The following DDB1 variants were observed in gnomAD, a reference collection of about 807,000 sequenced individuals.
DDB1 encodes the protein damage specific DNA binding protein 1, also known as DNA damage-binding protein 1.
Under a neutral mutation model 133.1 loss-of-function variants are expected in DDB1, and 18 were observed. That is an observed-to-expected ratio of 0.14 (90% confidence interval 0.09 to 0.20). The LOEUF (loss-of-function observed/expected upper bound fraction) is 0.20, where lower values mean the gene tolerates loss of function less well. DDB1 is among the 10% of genes least tolerant of loss of function. DDB1 has a pLI of 1.00. For missense variants in DDB1, 828 were observed against 1,459.2 expected (o/e 0.57, Z 7.05); for synonymous variants, 580 against 550.5 (o/e 1.05, Z -0.75).
At chr11:61,307,480 C>A (rs1445745021) in intron 21 of DDB1, among the ~76,000 whole-genome samples, 1 of 152,222 alleles carries the variant, frequency 6.6e-6, no homozygotes, top group Non-Finnish European at 1.5e-5. Flanking sequence ...ACTATTCTCT[C>A]GGTTCTCCTC....
chr11:61,316,990 T>C (rs1307468514), intron 10 of DDB1, among the ~76,000 whole-genome samples: 4 of 83,252 alleles, frequency 4.8e-5, no homozygotes, highest in East Asian at 7.5e-4. Flanking sequence ...TATATATATA[T>C]ATATATATAG....
chr11:61,315,121 T>C (rs1324404285), intron 12 of DDB1: 1 of 152,046 alleles, frequency 6.6e-6, no homozygotes, highest in Non-Finnish European at 1.5e-5. Flanking sequence ...AGCCACCATG[T>C]TGACTGTGAC....
intron 12 of DDB1, chr11:61,315,905 C>G (rs1416690163): frequency 6.1e-6 from 1 of 162,656 alleles, no homozygotes; most frequent in African/African-American, 2.4e-5. Context: ...TGCATTTTGG[C>G]ATTTTCTAAT....
At chr11:61,316,934 A>G (rs1856079226) in intron 10 of DDB1, among the ~76,000 whole-genome samples, 1 of 100,894 alleles carries the variant, frequency 9.9e-6, no homozygotes, top group Non-Finnish European at 2.0e-5. Context: ...AAAAAAAAAA[A>G]AAAAAAGGAT....
chr11:61,315,309 T>G (rs947129770), intron 12 of DDB1: 1 of 152,250 alleles, frequency 6.6e-6, no homozygotes, highest in Non-Finnish European at 1.5e-5. Flanking sequence ...TTGGTGACAC[T>G]GTTATCTATT....
intron 1 of DDB1, chr11:61,332,193 A>G (rs1465318061): frequency 6.3e-6 from 1 of 158,420 alleles, no homozygotes. Flanking sequence ...CTCCATCCAC[A>G]CTCAGCTACC....
Position 61,311,846 on chromosome 11 carries a change from G to A in DDB1, c.2215C>T (p.Arg739Cys), listed in dbSNP as rs936435343. Residue 739 changes from arginine (R) to cysteine (C), a missense_variant, in exon 18 of 27, where the codon CGC becomes TGC. Arg to Cys is a radical substitution (Grantham distance 180, BLOSUM62 -3). Around this residue, in one of 7 missense-constraint regions of DDB1, gnomAD observed 396 missense variants for 554.1 expected, o/e 0.71. Transcript: ENST00000301764. ...CCACTCGTGTCTTGGACTTCAATGCGGCTGGAGAGGACCCCGAAACACTGG... is the reference window on the plus strand; with the variant it reads ...CCACTCGTGTCTTGGACTTCAATGCAGCTGGAGAGGACCCCGAAACACTGG... ...VSQCFGVLSS[R>C]IEVQDTSGGT... is the part of the protein sequence containing the mutation. The A allele has an allele frequency of 5.0e-6, 8 of 1,614,102 alleles. No individual in the cohort carries two copies. Among genetic ancestry groups the A allele is most frequent in the South Asian group, 1.1e-5 (1 of 91,076 alleles).
At chr11:61,325,540 G>A in intron 6 of DDB1, 71 bp downstream of exon 6, 13 of 1,287,330 alleles carry the variant, frequency 1.0e-5, no homozygotes, top group Non-Finnish European at 1.4e-5. Context: ...TGATAAATAA[G>A]AGAAAGGGAG....
At chr11:61,312,842 AC>A (rs1335474808) in intron 16 of DDB1, among the ~76,000 whole-genome samples, 2 of 151,350 alleles carry the variant, frequency 1.3e-5, no homozygotes, top group Non-Finnish European at 2.9e-5. Context: ...CCGGTGATCC[AC>A]CCACCTCAGC....
chr11:61,328,840 G>A (rs1188431643), intron 4 of DDB1, among the ~76,000 whole-genome samples: 1 of 151,862 alleles, frequency 6.6e-6, no homozygotes, highest in Non-Finnish European at 1.5e-5. Flanking sequence ...ATCGCACTCC[G>A]GCCTGGGCAA....
intron 18 of DDB1, 150 bp downstream of exon 18, chr11:61,311,634 G>T: frequency 1.6e-6 from 1 of 642,334 alleles, no homozygotes; most frequent in Non-Finnish European, 2.6e-6. Flanking sequence ...GTTGCCTACA[G>T]CTGCTTTCAG....
rs1468435299 is a variant in DDB1 at position 61,314,128 on chromosome 11, T to C, written c.1672A>G (p.Ile558Val). 5 of 1,613,994 alleles carry C rather than the reference T, an allele frequency of 3.1e-6. No homozygotes were observed. The highest frequency in any genetic ancestry group is 1.3e-5 in the African/African-American group (1 of 74,902). ...DSNGLSPLCA[I>V]GLWTDISARI... ...GCCGAGATGTCCGTCCAGAGGCCAA[T>C]GGCACAAAGAGGGGACAGTCCATTG... The change falls in exon 14 of 27, where the codon ATT (isoleucine) becomes GTT (valine). Residue 558 changes from isoleucine (I) to valine (V), a missense_variant. Physicochemically the swap from Ile to Val is conservative, Grantham distance 29. Coordinates refer to ENST00000301764, the MANE Select transcript of DDB1 (RefSeq NM_001923.5).
intron 21 of DDB1, among the ~76,000 whole-genome samples, chr11:61,308,588 G>GA (rs1190747210): frequency 2.6e-5 from 4 of 151,992 alleles, no homozygotes; most frequent in African/African-American, 9.7e-5. Flanking sequence ...AATAAAGATG[G>GA]AAAAAAACTT....
intron 21 of DDB1, among the ~76,000 whole-genome samples, chr11:61,306,315 A>G (rs1855882408): frequency 6.6e-6 from 1 of 152,086 alleles, no homozygotes; most frequent in Non-Finnish European, 1.5e-5. Flanking sequence ...ACTGTCCCTC[A>G]TAGCACTGGA....
At chr11:61,332,670 G>C (rs1362528374) in intron 1 of DDB1, 1 of 399,752 alleles carries the variant, frequency 2.5e-6, no homozygotes, top group Non-Finnish European at 4.4e-6. Context: ...TGTTCTCGAG[G>C]CCGAATGACC....
chr11:61,332,697 G>T (rs1036450975), intron 1 of DDB1: 1 of 431,706 alleles, frequency 2.3e-6, no homozygotes, highest in African/African-American at 2.1e-5. Context: ...GGACGAAAGG[G>T]GACCCTCGAG....
chr11:61,308,848 G>A lies in DDB1; in HGVS notation c.2661+135C>T, dbSNP rs28720332. On this transcript the variant is annotated intron_variant, in intron 21 of 26. Transcript: ENST00000301764. Reference sequence around the variant, plus strand: ...CAGTTTCCGAGATTCTCAACTCAGAGCTCTATCCTCCACACCCGCTACTTT... The same window carrying A: ...CAGTTTCCGAGATTCTCAACTCAGAACTCTATCCTCCACACCCGCTACTTT... The A allele has an allele frequency of 6.6e-3, 5,458 of 826,740 alleles. 42 individuals are homozygous for A. The highest frequency in any genetic ancestry group is 0.02 in the South Asian group (1,290 of 64,470). 51.2% of individuals were successfully genotyped at this position (826,740 alleles called of 1,614,324 possible). A position where few individuals can be genotyped will look rare whatever the true frequency, so the allele number is the denominator to read the frequency against.
intron 10 of DDB1, among the ~76,000 whole-genome samples, chr11:61,316,974 T>TATATATAC (rs1856091978): frequency 1.7e-5 from 1 of 60,086 alleles, no homozygotes; most frequent in Non-Finnish European, 3.4e-5. Flanking sequence ...TATATATATA[T>TATATATAC]ATATATATAT....
intron 2 of DDB1, 66 bp from the exon 3 acceptor site, chr11:61,330,140 T>C (rs1856342625): frequency 7.7e-7 from 1 of 1,295,874 alleles, no homozygotes; most frequent in South Asian, 1.3e-5. Context: ...GTCCAGTCTT[T>C]AAGCACACCA....
Sources: allele counts gnomAD v4.1 joint callset (sites outside exome capture counted in the v4.1 genomes callset), GRCh38; gene constraint gnomAD v4.1.1; regional missense constraint gnomAD v4.1.1; transcripts MANE v1.5; gene names NCBI Gene and HGNC (gene_info 2026-07-23, HGNC 2026-07-21).